Variants in FAM135B observed in about 807,000 individuals in gnomAD.
FAM135B encodes the protein protein FAM135B.
In FAM135B, 43 loss-of-function variants were observed where a neutral mutation model predicts 127.7. The ratio of observed to expected loss-of-function variants is 0.34; its 90% CI spans 0.26 to 0.43. The LOEUF (loss-of-function observed/expected upper bound fraction) is 0.43, where lower values mean the gene tolerates loss of function less well. FAM135B is among the 20% of genes least tolerant of loss of function. The pLI is 1.00. For synonymous variants in FAM135B, 670 were observed against 665.1 expected, an observed-to-expected ratio of 1.01 and a Z score of -0.11; for missense variants, 1,558 against 1,725.6, an observed-to-expected ratio of 0.90 and a Z score of 1.72.
At chr8:138,303,115 A>G (rs1826003821) in intron 3 of FAM135B, among the ~76,000 whole-genome samples, 1 of 152,220 alleles carries the variant, frequency 6.6e-6, no homozygotes, top group South Asian at 2.1e-4. Context: ...AAATCATTCT[A>G]CTATAAAGAC....
intron 7 of FAM135B, among the ~76,000 whole-genome samples, chr8:138,234,452 T>C (rs974506532): frequency 6.6e-6 from 1 of 152,164 alleles, no homozygotes; most frequent in Non-Finnish European, 1.5e-5. Context: ...ATAGCTAAGA[T>C]ATGGAAACAA....
intron 1 of FAM135B, among the ~76,000 whole-genome samples, chr8:138,435,863 C>A (rs1393698538): frequency 6.6e-6 from 1 of 152,144 alleles, no homozygotes; most frequent in African/African-American, 2.4e-5. Flanking sequence ...TCTGATTTAT[C>A]AATAGAACTG....
chr8:138,163,076 A>G (rs1006280765), intron 12 of FAM135B, among the ~76,000 whole-genome samples: 4 of 152,254 alleles, frequency 2.6e-5, no homozygotes, highest in Non-Finnish European at 5.9e-5. Flanking sequence ...ATGGATTTAG[A>G]GTCAAATACT....
At chr8:138,475,262 C>A (rs1010672844) in intron 1 of FAM135B, among the ~76,000 whole-genome samples, 1 of 152,138 alleles carries the variant, frequency 6.6e-6, no homozygotes, top group Non-Finnish European at 1.5e-5. Context: ...TTTCACACCA[C>A]CCACAATTCT....
chr8:138,295,222 C>T (rs1825400576), intron 3 of FAM135B, among the ~76,000 whole-genome samples: 1 of 146,734 alleles, frequency 6.8e-6, no homozygotes, highest in Admixed American at 7.1e-5. Flanking sequence ...GGGCAGATTC[C>T]TCCATCTGTG....
At chr8:138,323,148 T>C (rs1827567982) in intron 2 of FAM135B, among the ~76,000 whole-genome samples, 1 of 152,190 alleles carries the variant, frequency 6.6e-6, no homozygotes, top group Non-Finnish European at 1.5e-5. Flanking sequence ...AATATAATAA[T>C]TCATTCAGAT....
intron 7 of FAM135B, among the ~76,000 whole-genome samples, chr8:138,229,755 T>G (rs904734846): frequency 6.6e-6 from 1 of 152,144 alleles, no homozygotes; most frequent in Non-Finnish European, 1.5e-5. Flanking sequence ...TGGGGAGGCC[T>G]CAAGAAACTT....
chr8:138,452,308 A>G (rs1017089861), intron 1 of FAM135B, among the ~76,000 whole-genome samples: 6 of 151,772 alleles, frequency 4.0e-5, no homozygotes, highest in Admixed American at 6.6e-5. Context: ...TTTAGTAGAG[A>G]TGGGGTTTCA....
intron 1 of FAM135B, among the ~76,000 whole-genome samples, chr8:138,405,200 ATTCTTTTTTT>A (rs1833398174): frequency 6.7e-6 from 1 of 149,236 alleles, no homozygotes; most frequent in Admixed American, 6.6e-5. Flanking sequence ...GAGTAGTAAT[ATTCTTTTTTT>A]TTCTTTTTTT....
intron 2 of FAM135B, among the ~76,000 whole-genome samples, chr8:138,322,783 G>A (rs1247514309): frequency 6.6e-6 from 1 of 152,104 alleles, no homozygotes; most frequent in Non-Finnish European, 1.5e-5. Flanking sequence ...TTTGCCAGCA[G>A]GACACCTGGC....
At position 138,497,126 on chromosome 8, in the gene FAM135B, T is replaced by G. The variant is rs1323859072; in HGVS notation, c.-475A>C. Among the ~76,000 whole-genome samples, 1 of 151,290 alleles carries G rather than the reference T, an allele frequency of 6.6e-6. No homozygotes were observed. Among genetic ancestry groups the G allele is most frequent in the African/African-American group, 2.4e-5 (1 of 41,286 alleles). ...CTCACCTCTGGCGCCCTCACTCCTC[T>G]CCTTCCTCCGCCGGGACGCGGCCAG... is the stretch of plus-strand genomic sequence containing the variant. On this transcript the variant is annotated 5_prime_UTR_variant, in exon 1 of 20. Transcript: ENST00000395297.
At chr8:138,162,367 ATGCACGTCACTCATTATAC>A (rs1312070621) in intron 12 of FAM135B, among the ~76,000 whole-genome samples, 1 of 152,224 alleles carries the variant, frequency 6.6e-6, no homozygotes, top group Admixed American at 6.5e-5. Flanking sequence ...ATAAGAGTGG[ATGCACGTCACTCATTATAC>A]GTCTGTCCAA....
intron 1 of FAM135B, among the ~76,000 whole-genome samples, chr8:138,423,475 C>T (rs939628302): frequency 4.3e-4 from 65 of 152,134 alleles, no homozygotes; most frequent in Non-Finnish European, 2.1e-4. Context: ...CATCACATGT[C>T]GGTAGGTTCC....
At chr8:138,398,114 A>T (rs1342700410) in intron 1 of FAM135B, among the ~76,000 whole-genome samples, 1 of 152,170 alleles carries the variant, frequency 6.6e-6, no homozygotes, top group Non-Finnish European at 1.5e-5. Flanking sequence ...TCGTCTGTTC[A>T]AAGACTGTGT....
intron 9 of FAM135B, among the ~76,000 whole-genome samples, chr8:138,180,955 CTG>C (rs1241369684): frequency 2.0e-5 from 3 of 152,060 alleles, no homozygotes; most frequent in Non-Finnish European, 4.4e-5. Context: ...TAAGTAAAAA[CTG>C]GGGCCGGGCA....
At chr8:138,441,019 C>G (rs144262323) in intron 1 of FAM135B, 4 of 152,168 alleles carry the variant, frequency 2.6e-5, no homozygotes, top group African/African-American at 9.7e-5. Context: ...TGCACCAAGA[C>G]CCCCACACAT....
At chr8:138,404,978 C>A (rs1429768355) in intron 1 of FAM135B, among the ~76,000 whole-genome samples, 1 of 152,138 alleles carries the variant, frequency 6.6e-6, no homozygotes, top group Non-Finnish European at 1.5e-5. Context: ...TGAATCCTTT[C>A]CAGAAAGTTT....
At chr8:138,282,600 A>G (rs1442257168) in intron 3 of FAM135B, among the ~76,000 whole-genome samples, 3 of 152,234 alleles carry the variant, frequency 2.0e-5, no homozygotes, top group African/African-American at 4.8e-5. Flanking sequence ...ATATGTCATC[A>G]GGGAAATGCA....
rs2131135600 is a variant in FAM135B at position 138,197,506 on chromosome 8, G to A, written c.823+10C>T. On this transcript the variant is annotated intron_variant, in intron 8 of 19. Transcript: ENST00000395297. Reference sequence around the variant, plus strand: ...GCTGGGATGGGCTTGCCCCTGTCCTGGGCCCTTACCCAGCTCCGTGTGTGG... The same window carrying A: ...GCTGGGATGGGCTTGCCCCTGTCCTAGGCCCTTACCCAGCTCCGTGTGTGG... 6.2e-7 allele frequency: 1 copy of A among 1,613,146 alleles called. No homozygotes were observed. Among genetic ancestry groups the A allele is most frequent in the Non-Finnish European group, 8.5e-7 (1 of 1,179,272 alleles).
Sources: gnomAD v4.1 joint callset for allele counts (sites outside exome capture counted in the v4.1 genomes callset) on GRCh38, gnomAD v4.1.1 for gene constraint, MANE v1.5 for transcripts, NCBI Gene and HGNC (gene_info 2026-07-23, HGNC 2026-07-21) for gene names.